The following ANO1 variants were observed in gnomAD, a reference collection of about 807,000 sequenced individuals.
ANO1 encodes anoctamin 1, also known as anoctamin-1.
ANO1 carries 59 observed loss-of-function variants against 124.0 expected under a neutral mutation model. The ratio of observed to expected loss-of-function variants is 0.48; its 90% CI spans 0.39 to 0.59. The LOEUF (loss-of-function observed/expected upper bound fraction) is 0.59. Among genes scored for constraint, ANO1 ranks in the 20% least tolerant of loss-of-function variants. The probability of loss-of-function intolerance (pLI) is 0.00; values close to 1 mark genes in which losing one functional copy is unlikely to be tolerated. For synonymous variants in ANO1, 529 were observed against 532.0 expected (o/e 0.99, Z 0.08); for missense variants, 1,059 against 1,328.0 (o/e 0.80, Z 3.15).
the ANO1 span, among the ~76,000 whole-genome samples, chr11:69,978,085 A>C: frequency 0.38 from 58,012 of 151,868 alleles, 12,663 homozygotes; most frequent in South Asian, 0.6. Context: ...CATCCCCTAA[A>C]CCCACATTAA....
intron 1 of ANO1, among the ~76,000 whole-genome samples, chr11:69,989,782 C>T (rs1292254013): frequency 8.6e-5 from 13 of 151,982 alleles, no homozygotes; most frequent in African/African-American, 3.1e-4. Context: ...GGAGGGTGAC[C>T]CTGGGTCTAT....
At chr11:70,139,166 T>A (rs2047060483) in intron 11 of ANO1, among the ~76,000 whole-genome samples, 1 of 152,228 alleles carries the variant, frequency 6.6e-6, no homozygotes. Flanking sequence ...TATTCTTTTT[T>A]ATTTTTTATC....
intron 1 of ANO1, among the ~76,000 whole-genome samples, chr11:70,054,460 C>T (rs1263668508): frequency 6.6e-6 from 1 of 152,232 alleles, no homozygotes; most frequent in Admixed American, 6.5e-5. Flanking sequence ...GGCACCAGCT[C>T]CCCACCACCT....
chr11:70,163,255 T>C (rs762852173), intron 18 of ANO1, 28 bp from the exon 19 acceptor site: 2 of 1,610,040 alleles, frequency 1.2e-6, no homozygotes, highest in South Asian at 1.1e-5. Flanking sequence ...GCTCATCTTT[T>C]CTCTAACGAC....
At chr11:70,082,419 G>A (rs116430786) in intron 1 of ANO1, among the ~76,000 whole-genome samples, 147 of 152,298 alleles carry the variant, frequency 9.7e-4, no homozygotes, top group African/African-American at 3.1e-3. Flanking sequence ...CATTAACCAG[G>A]CATGGTGGTA....
intron 1 of ANO1, among the ~76,000 whole-genome samples, chr11:70,044,583 A>G (rs998588458): frequency 4.6e-5 from 7 of 152,194 alleles, no homozygotes; most frequent in African/African-American, 1.7e-4. Flanking sequence ...ATTATTTACA[A>G]TAGAATGCCA....
chr11:70,116,571 C>A, intron 8 of ANO1, 72 bp downstream of exon 8: 1 of 1,488,250 alleles, frequency 6.7e-7, no homozygotes, highest in Non-Finnish European at 9.2e-7. Flanking sequence ...GGTGGGCCTG[C>A]AGCTGGACCG....
chr11:70,083,737 G>T (rs2044270929), intron 1 of ANO1, among the ~76,000 whole-genome samples: 3 of 152,210 alleles, frequency 2.0e-5, no homozygotes, highest in Non-Finnish European at 1.5e-5. Flanking sequence ...GCCCCAACCA[G>T]GTTCTCAGTC....
At chr11:70,079,824 C>T (rs914084053) in intron 1 of ANO1, among the ~76,000 whole-genome samples, 21 of 152,204 alleles carry the variant, frequency 1.4e-4, no homozygotes, top group Non-Finnish European at 2.4e-4. Flanking sequence ...TCTGTTCCAG[C>T]GACAGCAGGG....
At chr11:70,187,620 G>A in intron 25 of ANO1, 118 bp from the exon 26 acceptor site, 8 of 1,287,816 alleles carry the variant, frequency 6.2e-6, no homozygotes, top group South Asian at 1.5e-5. Flanking sequence ...GCCCAGGGAG[G>A]TCAATGGGCC....
chr11:69,999,490 G>A (rs781965538), intron 1 of ANO1, among the ~76,000 whole-genome samples: 8 of 152,146 alleles, frequency 5.3e-5, no homozygotes, highest in East Asian at 1.9e-4. Context: ...GGATGAAAGC[G>A]CCTTTAATGA....
intron 6 of ANO1, among the ~76,000 whole-genome samples, chr11:70,109,626 G>A (rs1263109027): frequency 6.6e-6 from 1 of 152,244 alleles, no homozygotes; most frequent in Non-Finnish European, 1.5e-5. Context: ...CCAGGGCACA[G>A]CCTTGGAAAG....
chr11:70,086,261 C>G (rs559280939), intron 1 of ANO1, among the ~76,000 whole-genome samples: 2 of 152,310 alleles, frequency 1.3e-5, no homozygotes, highest in East Asian at 3.9e-4. Context: ...ATTTCGGAAA[C>G]CCAGATTGCT....
chr11:70,185,302 C>T (rs2135858512), intron 24 of ANO1, among the ~76,000 whole-genome samples: 1 of 152,352 alleles, frequency 6.6e-6, no homozygotes, highest in African/African-American at 2.4e-5. Flanking sequence ...ACCCTTGATT[C>T]TGTGAGCCCA....
upstream of ANO1, among the ~76,000 whole-genome samples, chr11:70,077,031 C>G (rs2044069720): frequency 6.6e-6 from 1 of 152,104 alleles, no homozygotes; most frequent in South Asian, 2.1e-4. Context: ...AGAGCTGGAG[C>G]TAGACCCCAC....
chr11:70,184,116 G>A (rs1048264949), intron 24 of ANO1, among the ~76,000 whole-genome samples: 4 of 152,220 alleles, frequency 2.6e-5, no homozygotes, highest in Non-Finnish European at 4.4e-5. Flanking sequence ...AACGGCCCCT[G>A]AGCCCCTGGA....
intron 11 of ANO1, among the ~76,000 whole-genome samples, chr11:70,149,105 G>A (rs1480884074): frequency 6.6e-6 from 1 of 152,158 alleles, no homozygotes; most frequent in African/African-American, 2.4e-5. Context: ...CCTGACCTCC[G>A]AACCGGGGCC....
At chr11:70,028,060 A>G (rs533309892) in intron 1 of ANO1, among the ~76,000 whole-genome samples, 1 of 152,314 alleles carries the variant, frequency 6.6e-6, no homozygotes, top group South Asian at 2.1e-4. Flanking sequence ...AATAAAAGTT[A>G]AGGTACTACT....
At chr11:70,082,704 C>T (rs914218232) in intron 1 of ANO1, among the ~76,000 whole-genome samples, 5 of 152,200 alleles carry the variant, frequency 3.3e-5, no homozygotes, top group Non-Finnish European at 5.9e-5. Flanking sequence ...AAAGTCTCAC[C>T]CACATCCCTC....
Sources: allele counts gnomAD v4.1 joint callset (sites outside exome capture counted in the v4.1 genomes callset), GRCh38; gene constraint gnomAD v4.1.1; transcripts MANE v1.5; gene names NCBI Gene and HGNC (gene_info 2026-07-23, HGNC 2026-07-21).